FMN1: variants seen among roughly 807,000 people sequenced by gnomAD.
FMN1 encodes formin 1.
In FMN1, 110 loss-of-function variants were observed where a neutral mutation model predicts 132.4. The ratio of observed to expected loss-of-function variants is 0.83; its 90% CI spans 0.71 to 0.97. The LOEUF (loss-of-function observed/expected upper bound fraction) is 0.97, where lower values mean the gene tolerates loss of function less well. Ranked by LOEUF, FMN1 falls within the 50% of genes least tolerant of loss-of-function variation. The pLI is 0.00. For missense variants in FMN1, 1,792 were observed against 1,705.3 expected (o/e 1.05, Z -0.90); for synonymous variants, 722 against 651.7 (o/e 1.11, Z -1.64).
chr15:33,086,481 T>C (rs961583365), intron 5 of FMN1, among the ~76,000 whole-genome samples: 15 of 152,052 alleles, frequency 9.9e-5, no homozygotes, highest in African/African-American at 3.1e-4. Context: ...ATTTTTATAA[T>C]TGTAAAAAAT....
chr15:33,127,526 C>T (rs1385948083), intron 4 of FMN1, among the ~76,000 whole-genome samples: 5 of 152,216 alleles, frequency 3.3e-5, no homozygotes, highest in Admixed American at 6.5e-5. Context: ...CCATTAAACT[C>T]AACCTGAATA....
chr15:32,928,232 C>T (rs960536946), intron 9 of FMN1, among the ~76,000 whole-genome samples: 2 of 151,790 alleles, frequency 1.3e-5, no homozygotes, highest in Admixed American at 6.6e-5. Context: ...TGTCAATATT[C>T]GCCTTAGAAA....
chr15:33,157,338 G>A (rs1178088087), intron 3 of FMN1, among the ~76,000 whole-genome samples: 1 of 151,630 alleles, frequency 6.6e-6, no homozygotes, highest in African/African-American at 2.4e-5. Context: ...GAATATGACT[G>A]CGTATTCTAT....
rs1964430281 is a variant in FMN1 at position 33,151,341 on chromosome 15, C to T, written c.1867+1707G>A. The T allele has an allele frequency of 3.3e-6, 5 of 1,536,644 alleles. No homozygotes were observed. The African/African-American group carries it at 4.1e-5, about 13-fold the overall frequency. ...CAGGAGATGCTTACAGTTCTTATGA[C>T]TGGTTCCTGAAAGTGCTGCTGAAGA... is the stretch of plus-strand genomic sequence containing the variant. On this transcript the variant is annotated intron_variant, in intron 4 of 20. Coordinates refer to ENST00000616417, the MANE Select transcript of FMN1 (RefSeq NM_001277313.2).
intron 15 of FMN1, among the ~76,000 whole-genome samples, 154 bp downstream of exon 15, chr15:32,898,680 C>T (rs766220030): frequency 6.6e-6 from 1 of 152,228 alleles, no homozygotes; most frequent in Non-Finnish European, 1.5e-5. Context: ...ACTAAACTCT[C>T]TTGGTTTCAG....
chr15:33,127,354 A>G (rs1043171486), intron 4 of FMN1, among the ~76,000 whole-genome samples: 4 of 147,382 alleles, frequency 2.7e-5, no homozygotes, highest in Non-Finnish European at 4.4e-5. Context: ...CCCTCTAAAT[A>G]ACTTGACTCT....
In FMN1 at chr15:33,153,783, C is replaced by A; in HGVS notation, c.1132G>T (p.Ala378Ser). The change falls in exon 4 of 21, where the codon GCT (alanine) becomes TCT (serine). Residue 378 changes from alanine to serine, a missense_variant. By Grantham distance (99) the Ala-to-Ser change is moderately conservative. Transcript: ENST00000616417. ...TGCCGCCTGGAGCCATGAGCCCCAG[C>A]CTCAGCTCCCGGGAGGGTGAGCAAG... ...ADLLTLPGAE[A>S]GAHGSRRQGK... The A allele has an allele frequency of 6.5e-7, 1 of 1,536,362 alleles. No individual in the cohort carries two copies. The highest frequency in any genetic ancestry group is 8.7e-7 in the Non-Finnish European group (1 of 1,146,974).
intron 5 of FMN1, among the ~76,000 whole-genome samples, chr15:33,071,694 T>C (rs2038006609): frequency 6.6e-6 from 1 of 151,946 alleles, no homozygotes. Flanking sequence ...ACGAGTAAGA[T>C]TCAAAGAGAT....
chr15:32,959,526 T>C (rs6494794), intron 9 of FMN1, among the ~76,000 whole-genome samples: 35,772 of 152,074 alleles, frequency 0.24, 5,286 homozygotes, highest in African/African-American at 0.43. Flanking sequence ...ACCACAAAGC[T>C]CAGTAGACCC....
intron 15 of FMN1, among the ~76,000 whole-genome samples, chr15:32,891,815 G>A (rs1442566881): frequency 2.0e-5 from 3 of 152,056 alleles, no homozygotes; most frequent in Non-Finnish European, 4.4e-5. Flanking sequence ...TATATTTGCA[G>A]CTATTGTAAA....
chr15:33,121,254 ACTT>A (rs1354272113), intron 4 of FMN1, among the ~76,000 whole-genome samples: 2 of 152,184 alleles, frequency 1.3e-5, no homozygotes, highest in Non-Finnish European at 2.9e-5. Context: ...TGCAAATAAA[ACTT>A]CATCATATGC....
chr15:32,979,412 C>T (rs1596386259), intron 7 of FMN1, among the ~76,000 whole-genome samples: 1 of 151,764 alleles, frequency 6.6e-6, no homozygotes, highest in South Asian at 2.1e-4. Flanking sequence ...AAAAATTAGC[C>T]GGGCGTGGTG....
intron 18 of FMN1, among the ~76,000 whole-genome samples, chr15:32,802,462 AT>A (rs2057512987): frequency 6.6e-6 from 1 of 152,204 alleles, no homozygotes; most frequent in Non-Finnish European, 1.5e-5. Context: ...TCTCACACAA[AT>A]ATTGCAACAC....
chr15:33,162,058 C>T (rs1964918558), intron 3 of FMN1, among the ~76,000 whole-genome samples: 1 of 152,064 alleles, frequency 6.6e-6, no homozygotes, highest in African/African-American at 2.4e-5. Flanking sequence ...GTCACCCACG[C>T]TGCAGTGCAG....
chr15:32,862,840 T>C (rs35411464), intron 16 of FMN1, among the ~76,000 whole-genome samples: 2,381 of 152,312 alleles, frequency 0.016, 31 homozygotes, highest in Non-Finnish European at 0.021. Flanking sequence ...GAAAGGTTTA[T>C]CAGGCTATCT....
chr15:33,070,143 T>G (rs563869703), intron 5 of FMN1, among the ~76,000 whole-genome samples: 18 of 151,780 alleles, frequency 1.2e-4, no homozygotes, highest in African/African-American at 4.3e-4. Context: ...GTAGCTGGAA[T>G]TACAGGAATG....
intron 19 of FMN1, among the ~76,000 whole-genome samples, chr15:32,792,893 C>T (rs2057139924): frequency 6.6e-6 from 1 of 152,190 alleles, no homozygotes; most frequent in African/African-American, 2.4e-5. Flanking sequence ...GGGTTCCTGA[C>T]ATCCAAACTC....
chr15:33,148,558 T>C (rs1367763052), intron 4 of FMN1, among the ~76,000 whole-genome samples: 1 of 152,082 alleles, frequency 6.6e-6, no homozygotes, highest in African/African-American at 2.4e-5. Flanking sequence ...CAGAGGAGGG[T>C]GAGGCCAGGA....
At chr15:32,830,957 C>G in intron 17 of FMN1, among the ~76,000 whole-genome samples, 1 of 152,184 alleles carries the variant, frequency 6.6e-6, no homozygotes, top group East Asian at 1.9e-4. Context: ...CCTCCAAACA[C>G]CCCCCACCAC....
Sources: gnomAD v4.1 joint callset for allele counts (sites outside exome capture counted in the v4.1 genomes callset) on GRCh38, gnomAD v4.1.1 for gene constraint, MANE v1.5 for transcripts, NCBI Gene and HGNC (gene_info 2026-07-23, HGNC 2026-07-21) for gene names.